SRGAP3: variants seen among roughly 807,000 people sequenced by gnomAD.
SRGAP3 encodes SLIT-ROBO Rho GTPase-activating protein 3.
SRGAP3 carries 39 observed loss-of-function variants against 121.1 expected under a neutral mutation model. That is an observed-to-expected ratio of 0.32 (90% CI 0.25 to 0.42). SRGAP3 has a LOEUF of 0.42. Among genes scored for constraint, SRGAP3 ranks in the 10% least tolerant of loss-of-function variants. SRGAP3 has a pLI of 1.00. For missense variants in SRGAP3, 1,213 were observed against 1,470.6 expected (o/e 0.82, Z 2.86); for synonymous variants, 601 against 570.0 (o/e 1.05, Z -0.77).
At chr3:9,287,272 G>A (rs189096730) in intron 3 of SRGAP3, among the ~76,000 whole-genome samples, 35 of 152,160 alleles carry the variant, frequency 2.3e-4, no homozygotes, top group East Asian at 5.8e-4. Flanking sequence ...GATGACAGGC[G>A]TGAACCACCA....
intron 15 of SRGAP3, among the ~76,000 whole-genome samples, chr3:9,015,352 C>G (rs1290354965): frequency 2.0e-5 from 3 of 152,240 alleles, no homozygotes; most frequent in Non-Finnish European, 4.4e-5. Flanking sequence ...TGGCTCTGAT[C>G]TGCGAAACCA....
chr3:9,204,644 CT>C (rs1157808897), intron 1 of SRGAP3, among the ~76,000 whole-genome samples: 1 of 85,630 alleles, frequency 1.2e-5, no homozygotes, highest in East Asian at 2.9e-4. Flanking sequence ...CCAACTCTCC[CT>C]AAGGTCTTTT....
chr3:9,338,983 G>A (rs146126365), intron 1 of SRGAP3, among the ~76,000 whole-genome samples: 11 of 152,278 alleles, frequency 7.2e-5, no homozygotes, highest in African/African-American at 2.4e-4. Context: ...TAGTACTTAC[G>A]AAAATATGTT....
intron 3 of SRGAP3, among the ~76,000 whole-genome samples, chr3:9,100,377 T>G (rs562918169): frequency 5.9e-5 from 9 of 152,234 alleles, no homozygotes; most frequent in African/African-American, 1.9e-4. Context: ...TGCCCCACTT[T>G]CCACCTCTCA....
intron 3 of SRGAP3, among the ~76,000 whole-genome samples, chr3:9,323,286 T>C (rs1955466389): frequency 6.6e-6 from 1 of 151,908 alleles, no homozygotes; most frequent in African/African-American, 2.4e-5. Flanking sequence ...TGTGCAATTT[T>C]ATGGAACTAT....
Position 8,984,255 on chromosome 3 carries a change from GTGCCAAGGAC to G in SRGAP3, c.*1254_*1263del. ...CTGACAGTGTCCTCTAGGACAGAAAGTGCCAAGGACTGCCCCTCCCTGGCCCCAGTCTGAA... is the reference window on the plus strand; with the variant it reads ...CTGACAGTGTCCTCTAGGACAGAAAGTGCCCCTCCCTGGCCCCAGTCTGAA... On this transcript the variant is annotated 3_prime_UTR_variant, in exon 22 of 22. Transcript: ENST00000383836. 1 of 230,018 alleles carries G rather than the reference GTGCCAAGGAC, an allele frequency of 4.3e-6. No homozygotes were observed. Among genetic ancestry groups the G allele is most frequent in the Non-Finnish European group, 8.6e-6 (1 of 116,034 alleles). The allele number at this position is 230,018 out of a possible 1,614,324, so 14.2% of individuals were successfully genotyped here.
intron 3 of SRGAP3, among the ~76,000 whole-genome samples, chr3:9,089,914 C>T (rs939030827): frequency 7.2e-5 from 11 of 152,162 alleles, no homozygotes; most frequent in African/African-American, 2.4e-4. Context: ...CATTTCTCCC[C>T]GGGGGTTGCT....
intron 3 of SRGAP3, among the ~76,000 whole-genome samples, chr3:9,082,864 C>T (rs1947305860): frequency 6.6e-6 from 1 of 152,208 alleles, no homozygotes; most frequent in Admixed American, 6.5e-5. Flanking sequence ...GCTTCCGGGC[C>T]TGGCTTGCCA....
At chr3:9,223,086 G>A (rs1196857778) in intron 1 of SRGAP3, among the ~76,000 whole-genome samples, 1 of 152,192 alleles carries the variant, frequency 6.6e-6, no homozygotes, top group Admixed American at 6.5e-5. Context: ...TATACCGCAG[G>A]ATGCTTTTCC....
At position 8,985,798 on chromosome 3, in the gene SRGAP3, C is replaced by T. The variant is rs769182830; in HGVS notation, c.3021G>A (p.Ser1007=). The T allele has an allele frequency of 2.3e-5, 37 of 1,600,122 alleles. No homozygotes were observed. In the East Asian group the frequency reaches 4.5e-4, roughly 19 times the overall value. The change falls in exon 22 of 22, where the codon TCG becomes TCA. Residue 1007 remains serine, a synonymous_variant. Coordinates refer to ENST00000383836, the MANE Select transcript of SRGAP3 (RefSeq NM_014850.4). This position sits in a 1 kb window ranked among gnomAD's most constrained non-coding sequence, Gnocchi z 5.1. ...PLKNPPGPVS[S]EPASPLHTIV... ...TGGTGTGAAGGGGACTGGCGGGCTCCGAGCTGACGGGGCCTGGCGGGTTCT... is the reference window on the plus strand; with the variant it reads ...TGGTGTGAAGGGGACTGGCGGGCTCTGAGCTGACGGGGCCTGGCGGGTTCT...
At chr3:9,356,348 T>C (rs112742994) in intron 1 of SRGAP3, among the ~76,000 whole-genome samples, 2,150 of 144,622 alleles carry the variant, frequency 0.015, 73 homozygotes, top group African/African-American at 0.052. Context: ...TGCACTATCA[T>C]GGCCAGCTAA....
At chr3:9,001,161 T>C (rs1220670092) in intron 18 of SRGAP3, among the ~76,000 whole-genome samples, 2 of 152,218 alleles carry the variant, frequency 1.3e-5, no homozygotes, top group African/African-American at 4.8e-5. Context: ...AGTTCTGGTG[T>C]TCTATTTTAC....
intron 1 of SRGAP3, chr3:9,217,648 C>A (rs1952678332): frequency 6.6e-6 from 1 of 152,166 alleles, no homozygotes; most frequent in Non-Finnish European, 1.5e-5. Flanking sequence ...TGAAGACCAT[C>A]ATTTGTGTAA....
chr3:9,090,918 T>C (rs1947727254), intron 3 of SRGAP3, among the ~76,000 whole-genome samples: 1 of 152,188 alleles, frequency 6.6e-6, no homozygotes, highest in South Asian at 2.1e-4. Context: ...ATTACAGGCA[T>C]GAGCCACCAT....
intron 3 of SRGAP3, among the ~76,000 whole-genome samples, chr3:9,095,297 C>G (rs1459262198): frequency 1.3e-5 from 2 of 151,718 alleles, no homozygotes; most frequent in East Asian, 3.9e-4. Flanking sequence ...TGAAATTAAT[C>G]AATATTTTCT....
chr3:9,253,496 G>C (rs191682432), upstream of SRGAP3, among the ~76,000 whole-genome samples: 34 of 152,290 alleles, frequency 2.2e-4, no homozygotes, highest in Non-Finnish European at 3.7e-4. Flanking sequence ...AAGAAAAAAG[G>C]CTTCATCTGA....
intron 1 of SRGAP3, among the ~76,000 whole-genome samples, chr3:9,348,095 A>G (rs928524310): frequency 3.9e-5 from 6 of 152,236 alleles, no homozygotes; most frequent in African/African-American, 1.2e-4. Flanking sequence ...ATTATTCAGT[A>G]GCACCAAAAT....
intron 3 of SRGAP3, among the ~76,000 whole-genome samples, chr3:9,319,350 C>CA (rs1481887586): frequency 2.6e-5 from 4 of 151,850 alleles, no homozygotes; most frequent in African/African-American, 9.7e-5. Flanking sequence ...CCAGAATACT[C>CA]ATCAGGGGAT....
At chr3:9,276,486 C>T (rs377239613) in intron 3 of SRGAP3, among the ~76,000 whole-genome samples, 15 of 150,882 alleles carry the variant, frequency 9.9e-5, no homozygotes, top group African/African-American at 2.7e-4. Flanking sequence ...AGTGCAATGG[C>T]GCAATCTCGG....
Sources: allele counts gnomAD v4.1 joint callset (sites outside exome capture counted in the v4.1 genomes callset), GRCh38; gene constraint gnomAD v4.1.1; non-coding constraint Gnocchi (gnomAD v3.1); transcripts MANE v1.5; gene names NCBI Gene and HGNC (gene_info 2026-07-23, HGNC 2026-07-21).